The following STT3B variants were observed in gnomAD, a reference collection of about 807,000 sequenced individuals.
The protein encoded by STT3B is dolichyl-diphosphooligosaccharide--protein glycosyltransferase subunit STT3B.
A neutral mutation model predicts 96.8 loss-of-function variants in STT3B; 29 were observed. The observed-to-expected ratio is 0.30, with a 90% CI of 0.22 to 0.41. STT3B has a LOEUF of 0.41. STT3B is among the 10% of genes least tolerant of loss of function. STT3B has a pLI of 1.00. For synonymous variants in STT3B, 367 were observed against 360.0 expected (o/e 1.02, Z -0.22); for missense variants, 640 against 1,022.3 (o/e 0.63, Z 5.10).
intron 1 of STT3B, among the ~76,000 whole-genome samples, chr3:31,547,296 T>A (rs191362630): frequency 2.0e-4 from 30 of 152,288 alleles, no homozygotes; most frequent in African/African-American, 7.2e-4. Context: ...GCGAAATATT[T>A]TGCAAAATTA....
At chr3:31,604,574 A>G (rs1699005734) in intron 5 of STT3B, among the ~76,000 whole-genome samples, 1 of 152,246 alleles carries the variant, frequency 6.6e-6, no homozygotes, top group South Asian at 2.1e-4. Context: ...GAAAAAATAA[A>G]TACTGTTTTG....
intron 8 of STT3B, among the ~76,000 whole-genome samples, chr3:31,619,153 A>G (rs1699376900): frequency 6.6e-6 from 1 of 152,134 alleles, no homozygotes; most frequent in Admixed American, 6.5e-5. Flanking sequence ...GAAACGCTCT[A>G]AAATCATGAA....
intron 1 of STT3B, among the ~76,000 whole-genome samples, chr3:31,548,197 A>T (rs1697462234): frequency 6.6e-6 from 1 of 152,190 alleles, no homozygotes. Context: ...CTAAGAAGTA[A>T]ACTAAAGTAT....
At chr3:31,621,363 G>C (rs1479646148) in intron 9 of STT3B, among the ~76,000 whole-genome samples, 1 of 152,140 alleles carries the variant, frequency 6.6e-6, no homozygotes, top group Admixed American at 6.5e-5. Context: ...TATCATTATG[G>C]GTTGTAGTTA....
intron 3 of STT3B, 97 bp from the exon 4 acceptor site, chr3:31,596,701 C>CTT (rs1159957766): frequency 2.2e-6 from 2 of 898,072 alleles, no homozygotes; most frequent in Non-Finnish European, 3.6e-6. Flanking sequence ...ATAACCTTGA[C>CTT]TTTTTGTAGC....
intron 1 of STT3B, among the ~76,000 whole-genome samples, chr3:31,571,974 T>TA (rs1161304416): frequency 7.5e-6 from 1 of 134,002 alleles, no homozygotes; most frequent in African/African-American, 3.2e-5. Context: ...ATATTAAATA[T>TA]ATCAATATTA....
intron 1 of STT3B, among the ~76,000 whole-genome samples, chr3:31,537,608 TTTTCCTTCCCCCTTTATGG>T (rs1165007472): frequency 2.6e-5 from 4 of 152,202 alleles, no homozygotes; most frequent in African/African-American, 9.6e-5. Context: ...CCCTTGGGAC[TTTTCCTTCCCCCTTTATGG>T]TTTTCATATC....
At chr3:31,601,729 A>G (rs1365288217) in intron 5 of STT3B, among the ~76,000 whole-genome samples, 1 of 152,214 alleles carries the variant, frequency 6.6e-6, no homozygotes. Context: ...ACCAAAAACC[A>G]TTACATGATA....
At chr3:31,628,806 G>T (rs1228981190) in intron 13 of STT3B, among the ~76,000 whole-genome samples, 1 of 152,136 alleles carries the variant, frequency 6.6e-6, no homozygotes, top group Non-Finnish European at 1.5e-5. Flanking sequence ...CATGGTGTTG[G>T]TACCAGTCTC....
intron 5 of STT3B, among the ~76,000 whole-genome samples, chr3:31,606,435 G>A (rs775901424): frequency 6.6e-6 from 1 of 152,200 alleles, no homozygotes; most frequent in Non-Finnish European, 1.5e-5. Flanking sequence ...GTTTTGCCTA[G>A]GGACTTGGTG....
intron 5 of STT3B, among the ~76,000 whole-genome samples, chr3:31,606,002 A>G (rs1352539392): frequency 6.6e-6 from 1 of 152,198 alleles, no homozygotes; most frequent in East Asian, 1.9e-4. Context: ...GACTCTTGGT[A>G]TGTTTTAACA....
intron 3 of STT3B, 109 bp from the exon 4 acceptor site, chr3:31,596,689 G>A (rs2125461673): frequency 2.6e-6 from 2 of 768,608 alleles, no homozygotes; most frequent in South Asian, 1.7e-5. Flanking sequence ...GTATTTTTTA[G>A]AATAACCTTG....
intron 3 of STT3B, among the ~76,000 whole-genome samples, chr3:31,582,535 C>T (rs1360069715): frequency 6.6e-6 from 1 of 151,980 alleles, no homozygotes; most frequent in African/African-American, 2.4e-5. Context: ...ACTCGTGATC[C>T]ACCCACCTCG....
At chr3:31,619,083 T>C (rs890603088) in intron 8 of STT3B, among the ~76,000 whole-genome samples, 1 of 152,074 alleles carries the variant, frequency 6.6e-6, no homozygotes, top group African/African-American at 2.4e-5. Context: ...CAAGGCATTA[T>C]TGTGTAAGGT....
At chr3:31,627,075 C>T (rs184447990) in intron 13 of STT3B, among the ~76,000 whole-genome samples, 18 of 152,296 alleles carry the variant, frequency 1.2e-4, no homozygotes, top group African/African-American at 3.6e-4. Context: ...GGTATACTCA[C>T]ATCTGTACTC....
chr3:31,557,131 T>C (rs551004905), intron 1 of STT3B, among the ~76,000 whole-genome samples: 86 of 152,354 alleles, frequency 5.6e-4, no homozygotes, highest in African/African-American at 1.8e-3. Flanking sequence ...GCACCATGTA[T>C]TGAAGACTAT....
In STT3B at chr3:31,586,653, T is replaced by A. The variant is rs546661564; in HGVS notation, c.711+6557T>A. 3.3e-5 allele frequency among the ~76,000 whole-genome samples: 5 copies of A among 152,270 alleles called. No individual in the cohort carries two copies. The South Asian group carries it at 1.0e-3, about 32-fold the overall frequency. On this transcript the variant is annotated intron_variant, in intron 3 of 15. Transcript: ENST00000295770. ...AAAAGATTGTTCTTTCTCCACTGAA[T>A]TATCTGCTTTGGTAACCTTGTCAAA...
At chr3:31,559,391 C>T (rs1226592957) in intron 1 of STT3B, among the ~76,000 whole-genome samples, 1 of 150,102 alleles carries the variant, frequency 6.7e-6, no homozygotes. Context: ...TTGGGTATGT[C>T]ATGTTTAGAT....
At chr3:31,577,113 C>T (rs898025783) in intron 2 of STT3B, among the ~76,000 whole-genome samples, 2 of 152,020 alleles carry the variant, frequency 1.3e-5, no homozygotes, top group African/African-American at 2.4e-5. Context: ...TTTTGCCAGG[C>T]TTATTCATTT....
Sources: gnomAD v4.1 joint callset for allele counts (sites outside exome capture counted in the v4.1 genomes callset) on GRCh38, gnomAD v4.1.1 for gene constraint, MANE v1.5 for transcripts, NCBI Gene and HGNC (gene_info 2026-07-23, HGNC 2026-07-21) for gene names.